Variants in LINGO2 observed in about 807,000 individuals in gnomAD.
The protein encoded by LINGO2 is leucine rich repeat and Ig domain containing 2.
LINGO2 carries 14 observed loss-of-function variants against 30.6 expected under a neutral mutation model. The ratio of observed to expected loss-of-function variants is 0.46; its 90% confidence interval spans 0.30 to 0.72. The LOEUF is 0.72. Ranked by LOEUF, LINGO2 falls within the 30% of genes least tolerant of loss-of-function variation. The probability of loss-of-function intolerance (pLI) is 0.07; values close to 1 mark genes in which losing one functional copy is unlikely to be tolerated. For synonymous variants in LINGO2, 317 were observed against 288.5 expected (o/e 1.10, Z -1.00); for missense variants, 729 against 751.7 (o/e 0.97, Z 0.35).
chr9:28,513,301 A>G (rs1339020267), intron 1 of LINGO2, among the ~76,000 whole-genome samples: 1 of 152,238 alleles, frequency 6.6e-6, no homozygotes, highest in African/African-American at 2.4e-5. Context: ...AGCTAACTGC[A>G]GCTCAAAGTG....
intron 4 of LINGO2, among the ~76,000 whole-genome samples, chr9:28,046,286 T>C (rs1824418070): frequency 6.6e-6 from 1 of 152,180 alleles, no homozygotes; most frequent in Non-Finnish European, 1.5e-5. Context: ...ACAGGACCAT[T>C]AAGAATTTAT....
At chr9:28,157,585 C>G (rs1277105043) in intron 4 of LINGO2, among the ~76,000 whole-genome samples, 1 of 152,218 alleles carries the variant, frequency 6.6e-6, no homozygotes, top group Non-Finnish European at 1.5e-5. Context: ...TTGAATTTCT[C>G]CTCAGAAAAT....
intron 4 of LINGO2, among the ~76,000 whole-genome samples, chr9:28,105,594 C>G (rs10968348): frequency 0.02 from 3,106 of 152,188 alleles, 48 homozygotes; most frequent in South Asian, 0.027. Context: ...TACATTGAAG[C>G]CCTAACCCCT....
chr9:29,028,744 A>C, the LINGO2 span, among the ~76,000 whole-genome samples: 6 of 152,142 alleles, frequency 3.9e-5, no homozygotes, highest in African/African-American at 1.4e-4. Context: ...CATGAGGCCT[A>C]ATTACTCTCT....
In LINGO2 at chr9:28,549,492, T is replaced by C. The variant is rs1350485844; in HGVS notation, c.-364-73467A>G. On this transcript the variant is annotated intron_variant, in intron 1 of 5. Transcript: ENST00000379992. ...GTAGGGTTTAAAGTTAAAAATGGAA[T>C]TGTTATTATACAAGACTTGTTCATC... is the stretch of plus-strand genomic sequence containing the variant. Among the ~76,000 whole-genome samples the C allele has an allele frequency of 3.3e-5, 5 of 151,966 alleles. No individual in the cohort carries two copies. In the East Asian group the frequency reaches 7.7e-4, roughly 23 times the overall value.
chr9:29,113,568 C>T, the LINGO2 span, among the ~76,000 whole-genome samples: 1 of 152,134 alleles, frequency 6.6e-6, no homozygotes, highest in Non-Finnish European at 1.5e-5. Flanking sequence ...TTCCGCTTAC[C>T]CAATTCTGAC....
chr9:28,751,288 C>CAAAAAA, the LINGO2 span, among the ~76,000 whole-genome samples: 104 of 82,014 alleles, frequency 1.3e-3, 1 homozygote, highest in African/African-American at 2.9e-3. Context: ...AAGATCCAGT[C>CAAAAAA]AAAAAAAAAA....
At chr9:28,739,491 C>T in the LINGO2 span, among the ~76,000 whole-genome samples, 1 of 151,740 alleles carries the variant, frequency 6.6e-6, no homozygotes, top group Non-Finnish European at 1.5e-5. Flanking sequence ...TTTATTAAAA[C>T]ATCAAAACAT....
chr9:28,014,343 G>A (rs992189701), intron 4 of LINGO2, among the ~76,000 whole-genome samples: 3 of 152,118 alleles, frequency 2.0e-5, no homozygotes, highest in African/African-American at 7.2e-5. Context: ...GCTACTCATT[G>A]TTCTGATAAT....
intron 4 of LINGO2, among the ~76,000 whole-genome samples, chr9:28,161,794 G>T (rs1328256659): frequency 6.6e-6 from 1 of 151,380 alleles, no homozygotes; most frequent in Admixed American, 6.6e-5. Context: ...TGCTCTTCAG[G>T]TATTTTCGCC....
At chr9:29,116,811 A>G in the LINGO2 span, among the ~76,000 whole-genome samples, 3 of 152,184 alleles carry the variant, frequency 2.0e-5, no homozygotes, top group Non-Finnish European at 4.4e-5. Context: ...GGCTGTCATT[A>G]TTGCTTAAAC....
At chr9:28,922,636 A>C in the LINGO2 span, among the ~76,000 whole-genome samples, 3 of 152,220 alleles carry the variant, frequency 2.0e-5, no homozygotes, top group East Asian at 5.8e-4. Flanking sequence ...TGAATAAATA[A>C]GTGAATGAAT....
chr9:28,159,553 C>A (rs1036939329), intron 4 of LINGO2, among the ~76,000 whole-genome samples: 1 of 151,938 alleles, frequency 6.6e-6, no homozygotes, highest in South Asian at 2.1e-4. Flanking sequence ...AGCTAATTAA[C>A]AAGTCCATTT....
At chr9:28,159,667 C>G (rs1175319478) in intron 4 of LINGO2, among the ~76,000 whole-genome samples, 2 of 151,906 alleles carry the variant, frequency 1.3e-5, no homozygotes, top group African/African-American at 4.8e-5. Flanking sequence ...TGTAGAAATC[C>G]AAATGAAAAT....
the LINGO2 span, among the ~76,000 whole-genome samples, chr9:28,898,216 G>A: frequency 5.9e-5 from 9 of 152,186 alleles, no homozygotes; most frequent in South Asian, 4.1e-4. Context: ...TTCATCAAAC[G>A]TGATTGATAA....
At chr9:27,962,003 A>G (rs1044130764) in intron 5 of LINGO2, among the ~76,000 whole-genome samples, 1 of 152,134 alleles carries the variant, frequency 6.6e-6, no homozygotes, top group Non-Finnish European at 1.5e-5. Flanking sequence ...CTAGACCAAA[A>G]TGTGTGGGGT....
At chr9:29,020,269 T>A in the LINGO2 span, among the ~76,000 whole-genome samples, 1 of 152,190 alleles carries the variant, frequency 6.6e-6, no homozygotes, top group Non-Finnish European at 1.5e-5. Flanking sequence ...ATGGACAGAA[T>A]TGCACAGGCA....
the LINGO2 span, among the ~76,000 whole-genome samples, chr9:28,774,237 T>C: frequency 3.1e-3 from 470 of 152,300 alleles, 4 homozygotes; most frequent in African/African-American, 0.011. Context: ...TTCTACACAA[T>C]ATAAGGTACA....
chr9:28,300,126 G>GAAA (rs11306826), intron 3 of LINGO2, among the ~76,000 whole-genome samples: 1 of 132,006 alleles, frequency 7.6e-6, no homozygotes, highest in Non-Finnish European at 1.6e-5. Context: ...TTTTCTAATG[G>GAAA]AAAAAAAAAA....
Sources: gnomAD v4.1 joint callset for allele counts (sites outside exome capture counted in the v4.1 genomes callset) on GRCh38, gnomAD v4.1.1 for gene constraint, MANE v1.5 for transcripts, NCBI Gene and HGNC (gene_info 2026-07-23, HGNC 2026-07-21) for gene names.